QSER1: variants seen among roughly 807,000 people sequenced by gnomAD.
QSER1 encodes the protein glutamine and serine-rich protein 1.
A neutral mutation model predicts 158.5 loss-of-function variants in QSER1; 49 were observed. That is an observed-to-expected ratio of 0.31 (90% CI 0.25 to 0.39). The LOEUF (loss-of-function observed/expected upper bound fraction) is 0.39. QSER1 is among the 10% of genes least tolerant of loss of function. The pLI is 1.00. For missense variants in QSER1, 1,754 were observed against 2,010.3 expected, an observed-to-expected ratio of 0.87 and a Z score of 2.44; for synonymous variants, 650 against 715.5, an observed-to-expected ratio of 0.91 and a Z score of 1.46.
chr11:32,970,913 T>C (rs1852840191), intron 10 of QSER1, among the ~76,000 whole-genome samples: 2 of 151,772 alleles, frequency 1.3e-5, no homozygotes, highest in South Asian at 2.1e-4. Context: ...TTATTAGTTA[T>C]TAATTTTGAT....
chr11:32,947,917 T>A (rs891456235), intron 4 of QSER1, among the ~76,000 whole-genome samples: 2 of 152,242 alleles, frequency 1.3e-5, no homozygotes, highest in African/African-American at 2.4e-5. Context: ...TATTAGCATT[T>A]TTTTAGTATT....
intron 1 of QSER1, among the ~76,000 whole-genome samples, chr11:32,909,367 C>T (rs1307158287): frequency 6.6e-6 from 1 of 151,900 alleles, no homozygotes; most frequent in Non-Finnish European, 1.5e-5. Context: ...GATATTTTCA[C>T]TGATTTTTTT....
At chr11:32,970,864 A>C (rs1396086996) in intron 10 of QSER1, among the ~76,000 whole-genome samples, 1 of 152,124 alleles carries the variant, frequency 6.6e-6, no homozygotes, top group Non-Finnish European at 1.5e-5. Context: ...ATCACTGTTG[A>C]AATGTCAAAC....
chr11:32,902,795 T>G (rs369205850), intron 1 of QSER1, among the ~76,000 whole-genome samples: 5 of 152,344 alleles, frequency 3.3e-5, no homozygotes, highest in South Asian at 4.1e-4. Context: ...CCTAATAATT[T>G]TATAGTGTTA....
chr11:32,905,137 A>G (rs1851675587), intron 1 of QSER1, among the ~76,000 whole-genome samples: 1 of 152,234 alleles, frequency 6.6e-6, no homozygotes. Context: ...CTAGGCATGT[A>G]GGCATTTATG....
chr11:32,956,088 A>C lies in QSER1; in HGVS notation c.4718A>C (p.Lys1573Thr), dbSNP rs756269110. The C allele has an allele frequency of 6.2e-7, 1 of 1,611,912 alleles. No individual in the cohort carries two copies. The highest frequency in any genetic ancestry group is 1.7e-5 in the Admixed American group (1 of 59,966). ...NKKEYVRVCS[K>T]KPRNKPSQTI... ...AAGGAATATGTCAGAGTGTGTTCTA[A>C]AAAGCCAAGAAATAAACCTTCACAA... The change falls in exon 7 of 13, where the codon AAA becomes ACA. Residue 1573 changes from lysine to threonine, a missense_variant. Around this residue, in one of 2 missense-constraint regions of QSER1, gnomAD observed 1,707 missense variants for 1,919.6 expected, o/e 0.89. Transcript: ENST00000650167.
chr11:32,918,399 GTTGTTT>G (rs1467842416), intron 1 of QSER1, among the ~76,000 whole-genome samples: 1 of 151,996 alleles, frequency 6.6e-6, no homozygotes, highest in Non-Finnish European at 1.5e-5. Context: ...GAGTAAGGAT[GTTGTTT>G]TTTATGGGGT....
rs115016695 is a variant in QSER1 at position 32,898,206 on chromosome 11, C to G, written c.209+4872C>G. 5.1e-3 allele frequency among the ~76,000 whole-genome samples: 783 copies of G among 152,272 alleles called. 10 individuals carry two copies. The highest frequency in any genetic ancestry group is 0.018 in the African/African-American group (743 of 41,548). On this transcript the variant is annotated intron_variant, in intron 1 of 12. Coordinates refer to ENST00000650167, the MANE Select transcript of QSER1 (RefSeq NM_001076786.3). Reference sequence around the variant, plus strand: ...TTTAAACATCTGTAATATGGTCAGGCGTGATATCTCACGCCTGTAATCCCA... The same window carrying G: ...TTTAAACATCTGTAATATGGTCAGGGGTGATATCTCACGCCTGTAATCCCA...
At chr11:32,907,752 T>C (rs1202487049) in intron 1 of QSER1, among the ~76,000 whole-genome samples, 1 of 152,188 alleles carries the variant, frequency 6.6e-6, no homozygotes, top group Admixed American at 6.5e-5. Flanking sequence ...TTACAGGTAG[T>C]TAGTACATGC....
intron 7 of QSER1, 96 bp downstream of exon 7, chr11:32,956,217 T>G: frequency 3.4e-6 from 4 of 1,179,474 alleles, no homozygotes; most frequent in Non-Finnish European, 4.8e-6. Flanking sequence ...AATAGATTTT[T>G]TTTATTATAC....
At chr11:32,968,503 T>G (rs1852790297) in intron 9 of QSER1, among the ~76,000 whole-genome samples, 1 of 152,188 alleles carries the variant, frequency 6.6e-6, no homozygotes, top group Non-Finnish European at 1.5e-5. Flanking sequence ...CTCTCCCCTC[T>G]TTTTCTAAAA....
chr11:32,931,716 A>G (rs369904921), intron 3 of QSER1, 27 bp from the exon 4 acceptor site: 10 of 1,516,740 alleles, frequency 6.6e-6, no homozygotes, highest in Non-Finnish European at 8.9e-6. Context: ...ATAATTACAT[A>G]AAAATCTTTG....
intron 1 of QSER1, among the ~76,000 whole-genome samples, chr11:32,912,680 G>A (rs1851782686): frequency 6.6e-6 from 1 of 152,078 alleles, no homozygotes; most frequent in Non-Finnish European, 1.5e-5. Context: ...AGGTGGAGGT[G>A]GAAGAATCGC....
rs1338361548 is a variant in QSER1, at chr11:32,973,455, G to A, written c.5264G>A (p.Ser1755Asn). The A allele has an allele frequency of 1.9e-6, 3 of 1,613,818 alleles. No homozygotes were observed. The highest frequency in any genetic ancestry group is 2.2e-5 in the East Asian group (1 of 44,858). The stretch of plus-strand genomic sequence containing the variant: ...ATTACTCGAGATTCTAAAGCAAAGA[G>A]TGGAGGAACTGCTATTTCTAAAATC... Reference protein sequence around the residue: ...TIITRDSKAKSGGTAISKIKM... With the variant: ...TIITRDSKAKNGGTAISKIKM... The change falls in exon 11 of 13, where the codon AGT becomes AAT. Residue 1755 changes from serine (S) to asparagine (N), a missense_variant. Transcript: ENST00000650167.
intron 4 of QSER1, among the ~76,000 whole-genome samples, chr11:32,944,486 A>G (rs1382577733): frequency 1.3e-5 from 2 of 151,864 alleles, no homozygotes; most frequent in Non-Finnish European, 2.9e-5. Flanking sequence ...CCTTCATTTC[A>G]TTATGTACCC....
intron 1 of QSER1, among the ~76,000 whole-genome samples, chr11:32,899,661 G>GAA (rs140331725): frequency 3.2e-4 from 47 of 146,464 alleles, no homozygotes; most frequent in Middle Eastern, 3.5e-3. Flanking sequence ...CCACAAAAAT[G>GAA]AAAAAAAAAA....
chr11:32,893,650 G>C lies in QSER1; in HGVS notation c.209+316G>C, dbSNP rs757704335. 6.6e-6 allele frequency among the ~76,000 whole-genome samples: 1 copy of C among 152,198 alleles called. No individual in the cohort carries two copies. Among genetic ancestry groups the C allele is most frequent in the Admixed American group, 6.5e-5 (1 of 15,286 alleles). On this transcript the variant is annotated intron_variant, in intron 1 of 12. Transcript: ENST00000650167. The surrounding 1 kb of genome is among the most constrained non-coding windows in gnomAD (Gnocchi z 4.7). ...GGGCTCGTGGCTGAACTCGGGATCTGTGAGACCCAGGATTGGCGCCGGGGG... is the reference window on the plus strand; with the variant it reads ...GGGCTCGTGGCTGAACTCGGGATCTCTGAGACCCAGGATTGGCGCCGGGGG...
chr11:32,959,372 G>A (rs1203841058), intron 8 of QSER1, among the ~76,000 whole-genome samples: 2 of 152,166 alleles, frequency 1.3e-5, no homozygotes, highest in East Asian at 1.9e-4. Flanking sequence ...AGGAAGGGAT[G>A]ATGAAAGACC....
chr11:32,933,746 G>T lies in QSER1; in HGVS notation c.2488G>T (p.Ala830Ser). 2 of 1,613,984 alleles carry T rather than the reference G, an allele frequency of 1.2e-6. No homozygotes were observed. The highest frequency in any genetic ancestry group is 1.7e-6 in the Non-Finnish European group (2 of 1,179,958). The stretch of plus-strand genomic sequence containing the variant: ...GGAACAGCACGATCAAATAATTAAT[G>T]CTTCATCTCAGATTCAAATTCCAAA... ...VQEQHDQIIN[A>S]SSQIQIPNHA... The change falls in exon 4 of 13, where the codon GCT becomes TCT. Residue 830 changes from alanine to serine, a missense_variant. Ala to Ser is a moderately conservative substitution (Grantham distance 99, BLOSUM62 1). This residue lies in a region of QSER1 where 1,707 missense variants were observed against 1,919.6 expected (regional missense o/e 0.89). Transcript: ENST00000650167.
Sources: allele counts gnomAD v4.1 joint callset (sites outside exome capture counted in the v4.1 genomes callset), GRCh38; gene constraint gnomAD v4.1.1; regional missense constraint gnomAD v4.1.1; non-coding constraint Gnocchi (gnomAD v3.1); transcripts MANE v1.5; gene names NCBI Gene and HGNC (gene_info 2026-07-23, HGNC 2026-07-21).